HDAC9: variants seen among roughly 807,000 people sequenced by gnomAD.
HDAC9 encodes MEF-2 interacting transcription repressor (MITR) protein.
In HDAC9, 41 loss-of-function variants were observed where a neutral mutation model predicts 139.4. That is an observed-to-expected ratio of 0.29 (90% CI 0.23 to 0.38). The LOEUF (loss-of-function observed/expected upper bound fraction) is 0.38. Among genes scored for constraint, HDAC9 ranks in the 10% least tolerant of loss-of-function variants. The pLI is 1.00. For synonymous variants in HDAC9, 517 were observed against 476.2 expected (o/e 1.09, Z -1.12); for missense variants, 1,147 against 1,297.0 (o/e 0.88, Z 1.78).
At chr7:18,195,951 C>T (rs1408552092) in intron 2 of HDAC9, among the ~76,000 whole-genome samples, 1 of 152,032 alleles carries the variant, frequency 6.6e-6, no homozygotes, top group African/African-American at 2.4e-5. Context: ...TTAATTTATC[C>T]TCTACCCCAT....
intron 1 of HDAC9, among the ~76,000 whole-genome samples, chr7:18,358,954 A>T (rs541832821): frequency 6.6e-6 from 1 of 152,348 alleles, no homozygotes; most frequent in Admixed American, 6.5e-5. Flanking sequence ...ATTTGCCATG[A>T]TTTGCCCAAG....
chr7:18,204,038 C>A (rs998913626), intron 2 of HDAC9, among the ~76,000 whole-genome samples: 4 of 152,114 alleles, frequency 2.6e-5, no homozygotes, highest in African/African-American at 9.7e-5. Flanking sequence ...CTGATTGTAA[C>A]CATCTTGCTT....
At chr7:18,349,545 A>G (rs572517935) in intron 1 of HDAC9, among the ~76,000 whole-genome samples, 1 of 152,252 alleles carries the variant, frequency 6.6e-6, no homozygotes, top group African/African-American at 2.4e-5. Flanking sequence ...CAGGGATGCA[A>G]TAAATATTTG....
At chr7:18,727,353 T>A (rs1785629361) in intron 12 of HDAC9, among the ~76,000 whole-genome samples, 2 of 152,246 alleles carry the variant, frequency 1.3e-5, no homozygotes, top group Non-Finnish European at 2.9e-5. Context: ...CACCTCCTCC[T>A]TAGCCAGGCA....
At chr7:18,548,579 T>C (rs151037460) in intron 2 of HDAC9, among the ~76,000 whole-genome samples, 4 of 152,320 alleles carry the variant, frequency 2.6e-5, no homozygotes, top group South Asian at 2.1e-4. Flanking sequence ...TGTGAGTCTA[T>C]TGGTGTAACC....
chr7:18,701,685 A>G (rs1037551053), intron 12 of HDAC9, among the ~76,000 whole-genome samples: 1 of 152,252 alleles, frequency 6.6e-6, no homozygotes, highest in African/African-American at 2.4e-5. Context: ...TAATTAGTAG[A>G]TAAAATCATC....
intron 17 of HDAC9, among the ~76,000 whole-genome samples, chr7:18,812,217 T>TA (rs1794228408): frequency 6.6e-6 from 1 of 151,938 alleles, no homozygotes; most frequent in African/African-American, 2.4e-5. Flanking sequence ...ACGTATAAAA[T>TA]AAAGACAATT....
At chr7:18,755,589 A>G (rs898340438) in intron 14 of HDAC9, among the ~76,000 whole-genome samples, 1 of 152,122 alleles carries the variant, frequency 6.6e-6, no homozygotes, top group Middle Eastern at 3.2e-3. Context: ...GAATAATTGC[A>G]ATGTAGGGGG....
At chr7:18,532,584 G>C (rs895768535) in intron 2 of HDAC9, among the ~76,000 whole-genome samples, 3 of 152,144 alleles carry the variant, frequency 2.0e-5, no homozygotes, top group African/African-American at 4.8e-5. Flanking sequence ...CGTGAGAGCT[G>C]TTCAGGCATT....
At chr7:18,612,320 A>G (rs1837388554) in intron 6 of HDAC9, among the ~76,000 whole-genome samples, 1 of 152,134 alleles carries the variant, frequency 6.6e-6, no homozygotes, top group Non-Finnish European at 1.5e-5. Context: ...GTTTGCCACT[A>G]CCACTACATA....
intron 12 of HDAC9, chr7:18,667,212 AT>A: frequency 1.0e-6 from 1 of 985,346 alleles, no homozygotes; most frequent in Non-Finnish European, 1.2e-6. Flanking sequence ...GACACTGTCT[AT>A]CAAAAAAGAG....
intron 14 of HDAC9, among the ~76,000 whole-genome samples, chr7:18,755,008 G>A (rs553240800): frequency 1.3e-5 from 2 of 152,078 alleles, no homozygotes; most frequent in Admixed American, 6.6e-5. Context: ...ATGGCAGCAC[G>A]TAACAGTGTA....
At chr7:18,155,094 T>TTTCTTTC (rs1233093853) in intron 1 of HDAC9, among the ~76,000 whole-genome samples, 2 of 99,372 alleles carry the variant, frequency 2.0e-5, no homozygotes, top group African/African-American at 7.3e-5. Flanking sequence ...TCTTTCTTTC[T>TTTCTTTC]TTTTTTTTTT....
chr7:18,536,411 A>G (rs566561257), intron 2 of HDAC9, among the ~76,000 whole-genome samples: 1 of 152,340 alleles, frequency 6.6e-6, no homozygotes, highest in African/African-American at 2.4e-5. Context: ...AGAGCCCAAA[A>G]TAAGAAAGAA....
chr7:18,287,186 A>C (rs1290629396), upstream of HDAC9, among the ~76,000 whole-genome samples: 1 of 152,196 alleles, frequency 6.6e-6, no homozygotes, highest in African/African-American at 2.4e-5. Flanking sequence ...TTTAAAATGG[A>C]AATATATTTT....
chr7:18,314,150 A>G (rs554481561), intron 1 of HDAC9, among the ~76,000 whole-genome samples: 16 of 152,308 alleles, frequency 1.1e-4, no homozygotes, highest in African/African-American at 3.6e-4. Context: ...GACAAGTTCT[A>G]TAGAAACTCA....
At chr7:18,335,091 T>C (rs1290127870) in intron 1 of HDAC9, among the ~76,000 whole-genome samples, 2 of 151,426 alleles carry the variant, frequency 1.3e-5, no homozygotes, top group Non-Finnish European at 3.0e-5. Flanking sequence ...AGTGAGGGAT[T>C]GAAAAGGGAT....
At chr7:18,554,511 A>G (rs1818190576) in intron 2 of HDAC9, among the ~76,000 whole-genome samples, 3 of 151,716 alleles carry the variant, frequency 2.0e-5, no homozygotes, top group Admixed American at 6.6e-5. Flanking sequence ...AATTTTTTGT[A>G]TTTTTGGTAG....
At chr7:18,197,883 G>T (rs763706319) in intron 2 of HDAC9, among the ~76,000 whole-genome samples, 1 of 152,114 alleles carries the variant, frequency 6.6e-6, no homozygotes, top group Non-Finnish European at 1.5e-5. Flanking sequence ...CTGTAATCTT[G>T]ACTTTGCACT....
Sources: gnomAD v4.1 joint callset for allele counts (sites outside exome capture counted in the v4.1 genomes callset) on GRCh38, gnomAD v4.1.1 for gene constraint, MANE v1.5 for transcripts, NCBI Gene and HGNC (gene_info 2026-07-23, HGNC 2026-07-21) for gene names.